Variants in PAPOLA observed in about 807,000 individuals in gnomAD.
The protein encoded by PAPOLA is poly(A) polymerase alpha.
PAPOLA carries 15 observed loss-of-function variants against 100.6 expected under a neutral mutation model. That is an observed-to-expected ratio of 0.15 (90% CI 0.10 to 0.23). The LOEUF (loss-of-function observed/expected upper bound fraction) is 0.23. Ranked by LOEUF, PAPOLA falls within the 10% of genes least tolerant of loss-of-function variation. The pLI, the probability that PAPOLA is intolerant of heterozygous loss-of-function variation, is 1.00. For missense variants in PAPOLA, 533 were observed against 884.2 expected (o/e 0.60, Z 5.04); for synonymous variants, 293 against 300.0 (o/e 0.98, Z 0.24).
At chr14:96,511,720 A>T (rs888203470) in intron 1 of PAPOLA, among the ~76,000 whole-genome samples, 2 of 152,200 alleles carry the variant, frequency 1.3e-5, no homozygotes, top group Non-Finnish European at 2.9e-5. Context: ...TCTTTTATGC[A>T]TATTTAGGAA....
chr14:96,527,212 C>A (rs1898567068), intron 4 of PAPOLA: 2 of 472,024 alleles, frequency 4.2e-6, no homozygotes, highest in South Asian at 3.6e-5. Context: ...TTTACTTGGG[C>A]CACTATAAAT....
chr14:96,530,742 A>C (rs1347093549), intron 6 of PAPOLA, among the ~76,000 whole-genome samples: 2 of 152,120 alleles, frequency 1.3e-5, no homozygotes, highest in Non-Finnish European at 2.9e-5. Flanking sequence ...GAAATAATAT[A>C]GTTTGGACTT....
At chr14:96,534,632 C>T (rs1214299139) in intron 10 of PAPOLA, 69 bp downstream of exon 10, 1 of 1,610,426 alleles carries the variant, frequency 6.2e-7, no homozygotes, top group South Asian at 1.1e-5. Flanking sequence ...TCTGCATAAA[C>T]TCCAGGGAGA....
chr14:96,559,530 C>G (rs1216318470), intron 19 of PAPOLA, among the ~76,000 whole-genome samples: 1 of 142,904 alleles, frequency 7.0e-6, no homozygotes, highest in East Asian at 2.0e-4. Flanking sequence ...GCTCTATTTC[C>G]TGGATTATAG....
chr14:96,502,749 C>CCTCG (rs1896383239), intron 1 of PAPOLA, 149 bp downstream of exon 1: 4 of 787,918 alleles, frequency 5.1e-6, no homozygotes, highest in Non-Finnish European at 7.5e-6. Context: ...CTTCCTGTTT[C>CCTCG]CTCGCTCGCT....
rs577411942 is a variant in PAPOLA at position 96,532,728 on chromosome 14, T to C, written c.836+79T>C. 5.6e-5 allele frequency: 81 copies of C among 1,453,286 alleles called. No homozygotes were observed. In the Middle Eastern group the frequency reaches 1.7e-3, roughly 31 times the overall value. 90.0% of individuals were successfully genotyped at this position (1,453,286 alleles called of 1,614,324 possible). On this transcript the variant is annotated intron_variant, in intron 9 of 21. Coordinates refer to ENST00000216277, the MANE Select transcript of PAPOLA (RefSeq NM_032632.5). ...TCTTATTTCTATGACATTTCTCAGCTTGGTTTCAGATTCAAATTTTAGTTC... is the reference window on the plus strand; with the variant it reads ...TCTTATTTCTATGACATTTCTCAGCCTGGTTTCAGATTCAAATTTTAGTTC...
At chr14:96,551,670 A>C (rs1463643514) in intron 16 of PAPOLA, among the ~76,000 whole-genome samples, 1 of 152,208 alleles carries the variant, frequency 6.6e-6, no homozygotes, top group Non-Finnish European at 1.5e-5. Context: ...AAAAAAAATT[A>C]AGCTGAATGT....
rs909263904 is a variant in PAPOLA at position 96,507,292 on chromosome 14, T to G, written c.8+4692T>G. 4.3e-3 allele frequency among the ~76,000 whole-genome samples: 576 copies of G among 135,412 alleles called. 14 individuals carry two copies. Among genetic ancestry groups the G allele is most frequent in the African/African-American group, 0.017 (559 of 33,132 alleles). 88.8% of individuals were successfully genotyped at this position (135,412 alleles called of 152,430 possible). On this transcript the variant is annotated intron_variant, in intron 1 of 21. Transcript: ENST00000216277. ...GTTTTGGAAAATAGTTTTTTTTTTT[T>G]TTTTTTTTTTTTTGAGACGGAGTCT... is the stretch of plus-strand genomic sequence containing the variant.
At chr14:96,549,454 TA>T (rs1456383230) in intron 16 of PAPOLA, among the ~76,000 whole-genome samples, 6 of 152,038 alleles carry the variant, frequency 3.9e-5, no homozygotes, top group Non-Finnish European at 8.8e-5. Context: ...TTCACCGTGT[TA>T]GCCAGGATGG....
At position 96,502,459 on chromosome 14, in the gene PAPOLA, C is replaced by G; in HGVS notation, c.-134C>G. On this transcript the variant is annotated 5_prime_UTR_variant, in exon 1 of 22. Coordinates refer to ENST00000216277, the MANE Select transcript of PAPOLA (RefSeq NM_032632.5). ...GGAGAAGCGCTTAAAGCGGCGGGAG[C>G]GGTGCGGGAGAGGGGTTGGACCCAG... 1.4e-6 allele frequency: 1 copy of G among 715,708 alleles called. No individual in the cohort carries two copies. Among genetic ancestry groups the G allele is most frequent in the South Asian group, 1.6e-5 (1 of 64,264 alleles). The allele number at this position is 715,708 out of a possible 1,614,324, so 44.3% of individuals were successfully genotyped here. A position where few individuals can be genotyped will look rare whatever the true frequency, so the allele number is the denominator to read the frequency against.
At chr14:96,539,169 T>G (rs1049916875) in intron 12 of PAPOLA, among the ~76,000 whole-genome samples, 2 of 152,064 alleles carry the variant, frequency 1.3e-5, no homozygotes, top group Non-Finnish European at 2.9e-5. Flanking sequence ...GAATACTTAC[T>G]TCAGTTGTTA....
At chr14:96,564,872 A>G in intron 21 of PAPOLA, 83 bp from the exon 22 acceptor site, 1 of 750,548 alleles carries the variant, frequency 1.3e-6, no homozygotes, top group South Asian at 1.6e-5. Flanking sequence ...AAGGTTTCTT[A>G]GGAAGTAAAG....
intron 1 of PAPOLA, among the ~76,000 whole-genome samples, chr14:96,508,000 C>T (rs933068789): frequency 6.6e-5 from 10 of 152,128 alleles, no homozygotes; most frequent in Admixed American, 2.6e-4. Flanking sequence ...CTCAGCCTAC[C>T]GAGTAGCTGA....
Position 96,565,764 on chromosome 14 carries a change from A to G in PAPOLA, c.*714A>G, listed in dbSNP as rs1902222330. 1 of 398,114 alleles carries G rather than the reference A, an allele frequency of 2.5e-6. No individual in the cohort carries two copies. The highest frequency in any genetic ancestry group is 1.3e-4 in the South Asian group (1 of 7,862). The allele number at this position is 398,114 out of a possible 1,614,324, so 24.7% of individuals were successfully genotyped here. ...CATACAAATCAGCGATCAGCCAGCA[A>G]ATATTTTTCTTTGAGCTTGTGAAAG... On this transcript the variant is annotated 3_prime_UTR_variant, in exon 22 of 22. Coordinates refer to ENST00000216277, the MANE Select transcript of PAPOLA (RefSeq NM_032632.5).
intron 9 of PAPOLA, chr14:96,533,510 A>G (rs1595529963): frequency 2.0e-6 from 2 of 978,384 alleles, no homozygotes. Context: ...TAGCACTTAT[A>G]ATCAGGTGTG....
intron 1 of PAPOLA, 109 bp downstream of exon 1, chr14:96,502,709 C>A (rs1302525509): frequency 1.6e-6 from 2 of 1,245,992 alleles, no homozygotes; most frequent in Non-Finnish European, 2.2e-6. Flanking sequence ...CGACCCTCCC[C>A]GCTGGTAGGA....
At chr14:96,505,756 A>C (rs960771690) in intron 1 of PAPOLA, among the ~76,000 whole-genome samples, 7 of 152,120 alleles carry the variant, frequency 4.6e-5, no homozygotes, top group Non-Finnish European at 1.0e-4. Flanking sequence ...TTTTCATGTT[A>C]TTGAGATGTT....
At chr14:96,558,164 T>TTG (rs1455748984) in intron 19 of PAPOLA, among the ~76,000 whole-genome samples, 1 of 152,144 alleles carries the variant, frequency 6.6e-6, no homozygotes, top group Non-Finnish European at 1.5e-5. Context: ...TTTGTTGTTG[T>TTG]TGTTTTTCAA....
At position 96,520,035 on chromosome 14, in the gene PAPOLA, G is replaced by A. The variant is rs1897813306; in HGVS notation, c.9-20G>A. 3.8e-6 allele frequency: 6 copies of A among 1,567,890 alleles called. No individual in the cohort carries two copies. Among genetic ancestry groups the A allele is most frequent in the South Asian group, 2.4e-5 (2 of 83,292 alleles). Reference sequence around the variant, plus strand: ...TTGTAGAATTCTTTTGGCAGTAATTGTATCCAATTTTGTTTATAGTCCAGT... The same window carrying A: ...TTGTAGAATTCTTTTGGCAGTAATTATATCCAATTTTGTTTATAGTCCAGT... On this transcript the variant is annotated intron_variant, in intron 1 of 21. Coordinates refer to ENST00000216277, the MANE Select transcript of PAPOLA (RefSeq NM_032632.5).
Sources: gnomAD v4.1 joint callset for allele counts (sites outside exome capture counted in the v4.1 genomes callset) on GRCh38, gnomAD v4.1.1 for gene constraint, MANE v1.5 for transcripts, NCBI Gene and HGNC (gene_info 2026-07-23, HGNC 2026-07-21) for gene names.